Variants in ARPC1B observed in about 807,000 individuals in gnomAD.
The protein encoded by ARPC1B is actin related protein 2/3 complex subunit 1B.
Under a neutral mutation model 46.0 loss-of-function variants are expected in ARPC1B, and 29 were observed. That is an observed-to-expected ratio of 0.63 (90% CI 0.47 to 0.86). ARPC1B has a LOEUF of 0.86. ARPC1B is among the 40% of genes least tolerant of loss of function. The pLI is 0.00. For synonymous variants in ARPC1B, 201 were observed against 213.9 expected (o/e 0.94, Z 0.53); for missense variants, 469 against 529.4 (o/e 0.89, Z 1.12).
intron 1 of ARPC1B, chr7:99,376,590 G>C (rs1794035053): frequency 6.6e-6 from 1 of 152,290 alleles, no homozygotes; most frequent in Admixed American, 6.5e-5. Context: ...AAGCAAACAG[G>C]CTGGGCGCGG....
In ARPC1B at chr7:99,385,755, A is replaced by C; in HGVS notation, c.41A>C (p.His14Pro). 1 of 1,610,988 alleles carries C rather than the reference A, an allele frequency of 6.2e-7. No individual in the cohort carries two copies. Among genetic ancestry groups the C allele is most frequent in the Non-Finnish European group, 8.5e-7 (1 of 1,179,410 alleles). The part of the protein sequence containing the change: ...HSFLVEPISC[H>P]AWNKDRTQIA... The stretch of plus-strand genomic sequence containing the variant: ...TTCCTGGTGGAGCCCATCAGCTGCC[A>C]CGCCTGGAACAAGGACCGCACCCGT... Residue 14 changes from histidine (H) to proline (P), a missense_variant, in exon 2 of 10, where the codon CAC becomes CCC. Physicochemically the swap from His to Pro is moderately conservative, Grantham distance 77 (BLOSUM62 -2). Transcript: ENST00000646101.
Position 99,391,223 on chromosome 7 carries a change from C to G in ARPC1B, c.753C>G (p.Thr251=), listed in dbSNP as rs1794560944. The stretch of plus-strand genomic sequence containing the variant: ...AAACACTACCACTGCTGGCGCTGAC[C>G]TTCATCACAGACAACAGCCTGGTGG... ...ASETLPLLAL[T]FITDNSLVAA... is the part of the protein sequence containing the mutation. Residue 251 remains threonine (T), a synonymous_variant, in exon 7 of 10, where the codon ACC becomes ACG. Coordinates refer to ENST00000646101, the MANE Select transcript of ARPC1B (RefSeq NM_005720.4). 6.2e-7 allele frequency: 1 copy of G among 1,614,118 alleles called. No homozygotes were observed. Among genetic ancestry groups the G allele is most frequent in the South Asian group, 1.1e-5 (1 of 91,058 alleles).
intron 1 of ARPC1B, among the ~76,000 whole-genome samples, chr7:99,377,685 A>G (rs1274617465): frequency 6.6e-6 from 1 of 151,012 alleles, no homozygotes; most frequent in African/African-American, 2.4e-5. Context: ...CCCAGGCTGC[A>G]GTGCAGTGGC....
At chr7:99,381,909 GGTTCCCAGTCCTGGTTGGCTCCC>G (rs1370396441) in intron 1 of ARPC1B, among the ~76,000 whole-genome samples, 1 of 152,234 alleles carries the variant, frequency 6.6e-6, no homozygotes, top group Non-Finnish European at 1.5e-5. Context: ...GGGCATTCAG[GGTTCCCAGTCCTGGTTGGCTCCC>G]AGCCCAGGCC....
intron 1 of ARPC1B, among the ~76,000 whole-genome samples, chr7:99,381,776 T>G (rs1794232350): frequency 6.6e-6 from 1 of 152,212 alleles, no homozygotes; most frequent in Non-Finnish European, 1.5e-5. Flanking sequence ...CTGAGCCCTG[T>G]GGGGCCAAAC....
rs557286731 is a variant in ARPC1B at position 99,390,702 on chromosome 7, A to AT, written c.501-176dup. Reference sequence around the variant, plus strand: ...GGCACCTGTTAACCCTTTAAAAAAAATTTTTTTTTTTTTTTGAGACAGTCT... The same window carrying AT: ...GGCACCTGTTAACCCTTTAAAAAAAATTTTTTTTTTTTTTTTGAGACAGTCT... On this transcript the variant is annotated intron_variant, in intron 5 of 9. Transcript: ENST00000646101. 5.3e-3 allele frequency among the ~76,000 whole-genome samples: 752 copies of AT among 143,152 alleles called. 4 individuals carry two copies. Among genetic ancestry groups the AT allele is most frequent in the African/African-American group, 0.011 (446 of 39,126 alleles). 93.9% of individuals were successfully genotyped at this position (143,152 alleles called of 152,430 possible).
chr7:99,385,687 C>T lies in ARPC1B; in HGVS notation c.-13-15C>T, dbSNP rs779037516. On this transcript the variant is annotated splice_polypyrimidine_tract_variant and intron_variant, in intron 1 of 9. Coordinates refer to ENST00000646101, the MANE Select transcript of ARPC1B (RefSeq NM_005720.4). ...TGGGGCTGACGTGGATTCTCTCTTC[C>T]TCTCTCGGGCACAGGAGCCAAGCCG... The T allele has an allele frequency of 1.9e-6, 3 of 1,600,852 alleles. No individual in the cohort carries two copies. The highest frequency in any genetic ancestry group is 4.5e-5 in the East Asian group (2 of 44,522).
chr7:99,386,004 A>C (rs182442242), intron 2 of ARPC1B, among the ~76,000 whole-genome samples: 2 of 152,266 alleles, frequency 1.3e-5, no homozygotes, highest in African/African-American at 2.4e-5. Flanking sequence ...TAATCCCGGC[A>C]CTTTGGGAGG....
At chr7:99,389,623 G>T (rs1794504341) in intron 4 of ARPC1B, 1 of 382,872 alleles carries the variant, frequency 2.6e-6, no homozygotes, top group African/African-American at 2.1e-5. Flanking sequence ...GTTAGTAGTT[G>T]TGTGACCTCT....
intron 2 of ARPC1B, among the ~76,000 whole-genome samples, 197 bp downstream of exon 2, chr7:99,385,975 T>C (rs974282859): frequency 2.0e-5 from 3 of 152,080 alleles, no homozygotes; most frequent in African/African-American, 4.8e-5. Flanking sequence ...AATGGGCCAG[T>C]TGCGGTAGCT....
At chr7:99,393,132 C>T (rs1794630616) in intron 8 of ARPC1B, among the ~76,000 whole-genome samples, 1 of 152,062 alleles carries the variant, frequency 6.6e-6, no homozygotes, top group Non-Finnish European at 1.5e-5. Context: ...CCGCGTGGGG[C>T]GGAGGCCGGC....
At position 99,392,767 on chromosome 7, in the gene ARPC1B, C is replaced by A. The variant is rs1261488194; in HGVS notation, c.880C>A (p.Arg294Ser). The change falls in exon 8 of 10, where the codon CGT becomes AGT. Residue 294 changes from arginine to serine, a missense_variant. Arg to Ser is a moderately radical substitution (Grantham distance 110, BLOSUM62 -1). Transcript: ENST00000646101. ...RLDVPKQSSQ[R>S]GLTARERFQN... ...GGACGTTCCTAAGCAGAGCTCGCAG[C>A]GTGGCTTGACGGCCCGCGAGCGCTT... 1 of 1,549,786 alleles carries A rather than the reference C, an allele frequency of 6.5e-7. No homozygotes were observed.
At chr7:99,390,157 G>A (rs1288864260) in intron 5 of ARPC1B, 145 bp downstream of exon 5, 7 of 684,866 alleles carry the variant, frequency 1.0e-5, no homozygotes, top group Non-Finnish European at 1.5e-5. Context: ...GGCGTCGGTT[G>A]AAGGTTCTAG....
chr7:99,387,471 C>T (rs1383007196), intron 3 of ARPC1B, among the ~76,000 whole-genome samples: 1 of 151,898 alleles, frequency 6.6e-6, no homozygotes, highest in African/African-American at 2.4e-5. Flanking sequence ...GGTGCGGTGG[C>T]TTGCGCCTGT....
chr7:99,378,768 CTTTTTCTT>C (rs1794107606), intron 1 of ARPC1B, among the ~76,000 whole-genome samples: 1 of 120,890 alleles, frequency 8.3e-6, no homozygotes, highest in Non-Finnish European at 1.6e-5. Flanking sequence ...TGTTAATTTT[CTTTTTCTT>C]TTTTTTTTTT....
rs1242747091 is a variant in ARPC1B at position 99,385,726 on chromosome 7, C to T, written c.12C>T (p.His4=). The change falls in exon 2 of 10, where the codon CAC becomes CAT. Residue 4 remains histidine (H), a synonymous_variant. Coordinates refer to ENST00000646101, the MANE Select transcript of ARPC1B (RefSeq NM_005720.4). ...GGAGCCAAGCCGCCATGGCCTACCA[C>T]AGCTTCCTGGTGGAGCCCATCAGCT... is the stretch of plus-strand genomic sequence containing the variant. MAY[H]SFLVEPISCH... is the part of the protein sequence containing the mutation. 7 of 1,611,060 alleles carry T rather than the reference C, an allele frequency of 4.3e-6. No homozygotes were observed. Among genetic ancestry groups the T allele is most frequent in the African/African-American group, 1.3e-5 (1 of 75,050 alleles).
intron 2 of ARPC1B, among the ~76,000 whole-genome samples, chr7:99,386,200 G>A (rs1326935070): frequency 2.6e-5 from 4 of 151,130 alleles, no homozygotes; most frequent in Admixed American, 6.6e-5. Flanking sequence ...GCAGTGAGTC[G>A]AGATTGCACC....
At position 99,385,685 on chromosome 7, in the gene ARPC1B, T is replaced by C. The variant is rs1794368315; in HGVS notation, c.-13-17T>C. 1.3e-6 allele frequency: 2 copies of C among 1,599,844 alleles called. No homozygotes were observed. ...GTTGGGGCTGACGTGGATTCTCTCT[T>C]CCTCTCTCGGGCACAGGAGCCAAGC... On this transcript the variant is annotated splice_polypyrimidine_tract_variant and intron_variant, in intron 1 of 9. Coordinates refer to ENST00000646101, the MANE Select transcript of ARPC1B (RefSeq NM_005720.4).
intron 1 of ARPC1B, among the ~76,000 whole-genome samples, chr7:99,380,683 C>T (rs1794189077): frequency 6.6e-6 from 1 of 152,248 alleles, no homozygotes; most frequent in African/African-American, 2.4e-5. Context: ...GCAGAGCCAG[C>T]CACTCCGTCT....
Sources: allele counts gnomAD v4.1 joint callset (sites outside exome capture counted in the v4.1 genomes callset), GRCh38; gene constraint gnomAD v4.1.1; transcripts MANE v1.5; gene names NCBI Gene and HGNC (gene_info 2026-07-23, HGNC 2026-07-21).